TOM1L1: variants seen among roughly 807,000 people sequenced by gnomAD.
The protein encoded by TOM1L1 is target of myb1 like 1 membrane trafficking protein, also known as TOM1-like protein 1.
A neutral mutation model predicts 63.4 loss-of-function variants in TOM1L1; 64 were observed. The ratio of observed to expected loss-of-function variants is 1.01; its 90% CI spans 0.83 to 1.24. The LOEUF (loss-of-function observed/expected upper bound fraction) is 1.24. TOM1L1 is among the 50% of genes most tolerant of loss of function. The pLI is 0.00. For synonymous variants in TOM1L1, 166 were observed against 194.4 expected, an observed-to-expected ratio of 0.85 and a Z score of 1.22; for missense variants, 536 against 567.0, an observed-to-expected ratio of 0.95 and a Z score of 0.55.
rs144724623 is a variant in TOM1L1, at chr17:54,912,923, G to C, written c.372+108G>C. The C allele has an allele frequency of 3.6e-3, 3,662 of 1,025,154 alleles. 6 individuals carry two copies. Among genetic ancestry groups the C allele is most frequent in the Middle Eastern group, 0.012 (34 of 2,870 alleles). 63.5% of individuals were successfully genotyped at this position (1,025,154 alleles called of 1,614,324 possible). A position where few individuals can be genotyped will look rare whatever the true frequency, so the allele number is the denominator to read the frequency against. On this transcript the variant is annotated intron_variant, in intron 4 of 15. Coordinates refer to ENST00000575882, the MANE Select transcript of TOM1L1 (RefSeq NM_005486.3). Reference sequence around the variant, plus strand: ...CTTTTATATATCTAGGATTGAGCTAGAAAAGCATTTTTGCTATTTTAGTTT... The same window carrying C: ...CTTTTATATATCTAGGATTGAGCTACAAAAGCATTTTTGCTATTTTAGTTT...
At position 54,905,554 on chromosome 17, in the gene TOM1L1, A is replaced by G. The variant is rs1283394632; in HGVS notation, c.209A>G (p.Gln70Arg). ...ISKNYNHKEI[Q>R]LTLSLIDMCV... ...AAAAACTACAATCATAAAGAAATCCAACTTACCTTGTCAGTAAGTACTTTA... is the reference window on the plus strand; with the variant it reads ...AAAAACTACAATCATAAAGAAATCCGACTTACCTTGTCAGTAAGTACTTTA... The change falls in exon 3 of 16, where the codon CAA (glutamine) becomes CGA (arginine). Residue 70 changes from glutamine to arginine, a missense_variant. Coordinates refer to ENST00000575882, the MANE Select transcript of TOM1L1 (RefSeq NM_005486.3). 6.3e-7 allele frequency: 1 copy of G among 1,596,794 alleles called. No individual in the cohort carries two copies. The highest frequency in any genetic ancestry group is 1.3e-5 in the African/African-American group (1 of 74,482).
chr17:54,942,718 G>A (rs966684303), intron 11 of TOM1L1, among the ~76,000 whole-genome samples: 2 of 151,706 alleles, frequency 1.3e-5, no homozygotes, highest in African/African-American at 2.4e-5. Context: ...TTTTGGTTTG[G>A]TGTACAGTTT....
chr17:54,910,492 T>C (rs2048481076), intron 3 of TOM1L1, among the ~76,000 whole-genome samples: 1 of 152,154 alleles, frequency 6.6e-6, no homozygotes, highest in South Asian at 2.1e-4. Context: ...TTGCGAATTA[T>C]TTAGCAAGAA....
At chr17:54,908,289 C>T (rs2048443755) in intron 3 of TOM1L1, among the ~76,000 whole-genome samples, 1 of 152,196 alleles carries the variant, frequency 6.6e-6, no homozygotes, top group African/African-American at 2.4e-5. Flanking sequence ...CTCTTCATAT[C>T]TTCATGCTGA....
chr17:54,961,573 G>A lies in TOM1L1; in HGVS notation c.*340G>A. The A allele has an allele frequency of 7.8e-7, 1 of 1,289,700 alleles. No homozygotes were observed. Among genetic ancestry groups the A allele is most frequent in the South Asian group, 2.1e-5 (1 of 47,312 alleles). 79.9% of individuals were successfully genotyped at this position (1,289,700 alleles called of 1,614,324 possible). A position where few individuals can be genotyped will look rare whatever the true frequency, so the allele number is the denominator to read the frequency against. On this transcript the variant is annotated 3_prime_UTR_variant, in exon 16 of 16. Coordinates refer to ENST00000575882, the MANE Select transcript of TOM1L1 (RefSeq NM_005486.3). ...AGAAATCGTCACACAGCTGTGATAA[G>A]AGTAGATTATTTTACTATGAAATAA...
intron 7 of TOM1L1, among the ~76,000 whole-genome samples, chr17:54,918,385 T>C (rs1478128959): frequency 1.3e-5 from 2 of 152,236 alleles, no homozygotes; most frequent in African/African-American, 2.4e-5. Context: ...AAGGAACTCA[T>C]TGCCATGCCC....
intron 12 of TOM1L1, among the ~76,000 whole-genome samples, chr17:54,948,241 C>T (rs1039297082): frequency 1.3e-5 from 2 of 152,162 alleles, no homozygotes; most frequent in Non-Finnish European, 2.9e-5. Context: ...CCCTCCCACC[C>T]ACCTCATAAT....
At chr17:54,954,641 A>C (rs2049400694) in intron 14 of TOM1L1, 1 of 152,226 alleles carries the variant, frequency 6.6e-6, no homozygotes. Context: ...CCCCGAGTAG[A>C]GTTAGAGGGC....
chr17:54,961,118 C>A, intron 15 of TOM1L1, 117 bp from the exon 16 acceptor site: 1 of 754,156 alleles, frequency 1.3e-6, no homozygotes. Flanking sequence ...CACATTCTTA[C>A]CTTTCTTCTA....
intron 14 of TOM1L1, among the ~76,000 whole-genome samples, chr17:54,951,118 A>G (rs942298028): frequency 2.6e-5 from 4 of 152,214 alleles, no homozygotes; most frequent in Non-Finnish European, 2.9e-5. Flanking sequence ...ACTGGCTTCA[A>G]GTTGGGGTTC....
chr17:54,919,079 A>T (rs1163193414), intron 7 of TOM1L1, among the ~76,000 whole-genome samples: 3 of 152,226 alleles, frequency 2.0e-5, no homozygotes, highest in Non-Finnish European at 4.4e-5. Flanking sequence ...TATAAAATGA[A>T]GAGCTTAGAT....
chr17:54,961,367 A>G lies in TOM1L1; in HGVS notation c.*134A>G, dbSNP rs749792862. On this transcript the variant is annotated 3_prime_UTR_variant, in exon 16 of 16. Coordinates refer to ENST00000575882, the MANE Select transcript of TOM1L1 (RefSeq NM_005486.3). ...AGCCATGGTGGCACATTTCTGCTAT[A>G]ATGAAGATTAAATAGAATAACAGTT... is the stretch of plus-strand genomic sequence containing the variant. 9 of 1,550,900 alleles carry G rather than the reference A, an allele frequency of 5.8e-6. No individual in the cohort carries two copies. In the South Asian group the frequency reaches 8.3e-5, roughly 14 times the overall value.
intron 9 of TOM1L1, 62 bp downstream of exon 9, chr17:54,936,771 C>T: frequency 1.4e-6 from 2 of 1,408,676 alleles, no homozygotes; most frequent in South Asian, 2.5e-5. Flanking sequence ...CAGTGAGAAG[C>T]AAGGCTTACC....
chr17:54,955,947 C>G (rs2049478503), intron 14 of TOM1L1, among the ~76,000 whole-genome samples: 1 of 152,162 alleles, frequency 6.6e-6, no homozygotes, highest in African/African-American at 2.4e-5. Flanking sequence ...CAAGGCCCTT[C>G]TCTAGTCTCC....
intron 15 of TOM1L1, 96 bp downstream of exon 15, chr17:54,960,723 C>T (rs2077099761): frequency 1.1e-6 from 1 of 895,798 alleles, no homozygotes. Flanking sequence ...TTCTAAGGGC[C>T]ATCTGAGTCT....
chr17:54,935,870 C>T (rs1426095701), intron 8 of TOM1L1, among the ~76,000 whole-genome samples: 1 of 152,096 alleles, frequency 6.6e-6, no homozygotes, highest in African/African-American at 2.4e-5. Flanking sequence ...TGCCTGTAAT[C>T]CTAGCACTTT....
chr17:54,954,421 G>A (rs987766966), intron 14 of TOM1L1: 1 of 152,258 alleles, frequency 6.6e-6, no homozygotes, highest in African/African-American at 2.4e-5. Flanking sequence ...TCACCCTCCA[G>A]GGTTATATGC....
intron 3 of TOM1L1, 108 bp downstream of exon 3, chr17:54,905,675 G>A: frequency 1.5e-6 from 1 of 686,774 alleles, no homozygotes; most frequent in Non-Finnish European, 2.5e-6. Flanking sequence ...AAACTAATAG[G>A]TTAGCTAGGA....
intron 7 of TOM1L1, among the ~76,000 whole-genome samples, chr17:54,919,585 G>A (rs541761671): frequency 6.6e-6 from 1 of 152,286 alleles, no homozygotes; most frequent in South Asian, 2.1e-4. Flanking sequence ...AGAGCTCAGG[G>A]CTGTGTTTTG....
Sources: allele counts gnomAD v4.1 joint callset (sites outside exome capture counted in the v4.1 genomes callset), GRCh38; gene constraint gnomAD v4.1.1; transcripts MANE v1.5; gene names NCBI Gene and HGNC (gene_info 2026-07-23, HGNC 2026-07-21).